Variants in RAET1G observed in about 807,000 individuals in gnomAD.
RAET1G encodes the protein retinoic acid early transcript 1G.
RAET1G carries 25 observed loss-of-function variants against 29.5 expected under a neutral mutation model. The ratio of observed to expected loss-of-function variants is 0.85; its 90% CI spans 0.62 to 1.18. The LOEUF (loss-of-function observed/expected upper bound fraction) is 1.18, where lower values mean the gene tolerates loss of function less well. Ranked by LOEUF, RAET1G falls within the 50% of genes most tolerant of loss-of-function variation. The pLI is 0.00. For missense variants in RAET1G, 434 were observed against 423.6 expected, an observed-to-expected ratio of 1.02 and a Z score of -0.22; for synonymous variants, 167 against 159.5, an observed-to-expected ratio of 1.05 and a Z score of -0.36.
rs771676650 is a variant in RAET1G at position 149,919,152 on chromosome 6, A to C, written c.522T>G (p.Asn174Lys). 1 of 1,614,216 alleles carries C rather than the reference A, an allele frequency of 6.2e-7. No homozygotes were observed. The highest frequency in any genetic ancestry group is 1.1e-5 in the South Asian group (1 of 91,086). ...GGAAGGACATGGTCATATCCTTGTC[A>C]TTCTCCCACTTTTCTTTCATCTTTC... ...GARKMKEKWE[N>K]DKDMTMSFHY... The change falls in exon 3 of 5, where the codon AAT becomes AAG. Residue 174 changes from asparagine (N) to lysine (K), a missense_variant. Transcript: ENST00000367360.
chr6:149,921,662 C>G (rs1778603293), intron 1 of RAET1G, among the ~76,000 whole-genome samples: 2 of 152,072 alleles, frequency 1.3e-5, no homozygotes, highest in African/African-American at 4.8e-5. Context: ...TCACTGATGG[C>G]CCCCGTGGAC....
intron 1 of RAET1G, 85 bp downstream of exon 1, chr6:149,922,841 A>G (rs2114660785): frequency 6.2e-6 from 6 of 960,112 alleles, no homozygotes; most frequent in Non-Finnish European, 1.5e-6. Context: ...GGGTCCTTCC[A>G]GAAGCCTCCC....
At chr6:149,917,383 C>G (rs1451928220) in intron 4 of RAET1G, among the ~76,000 whole-genome samples, 5 of 152,218 alleles carry the variant, frequency 3.3e-5, no homozygotes, top group African/African-American at 1.2e-4. Context: ...TAACAAGTGC[C>G]TTCCCAGGCA....
chr6:149,918,515 TG>T, intron 3 of RAET1G, 131 bp from the exon 4 acceptor site: 2 of 1,071,990 alleles, frequency 1.9e-6, no homozygotes, highest in African/African-American at 3.1e-5. Context: ...GGGCAGCCCC[TG>T]GGAGAGTTCC....
rs1582799785 is a variant in RAET1G, at chr6:149,919,472, G to C, written c.349+81C>G. On this transcript the variant is annotated intron_variant, in intron 2 of 4. Transcript: ENST00000367360. ...GCGGGGTGAGATGACCTTCCTATTT[G>C]TATTTTTACATGAAAACTATAAATG... The C allele has an allele frequency of 1.3e-5, 21 of 1,613,076 alleles. No individual in the cohort carries two copies. The East Asian group carries it at 4.5e-4, about 34-fold the overall frequency.
rs765005982 is a variant in RAET1G at position 149,918,181 on chromosome 6, T to C, written c.835A>G (p.Ser279Gly). ...CCAATTCTGCCCCCATACCTGTCAC[T>C]CCAAAGGACTCTCCTCAGCAGCCAG... The part of the protein sequence containing the change: ...PTWLLRRVLW[S>G]DSYQIAKRPL... Residue 279 changes from serine (S) to glycine (G), a missense_variant, in exon 4 of 5, where the codon AGT becomes GGT. Ser to Gly is a moderately conservative substitution (Grantham distance 56). Transcript: ENST00000367360. The C allele has an allele frequency of 6.2e-7, 1 of 1,613,916 alleles. No homozygotes were observed. Among genetic ancestry groups the C allele is most frequent in the Non-Finnish European group, 8.5e-7 (1 of 1,179,926 alleles).
In RAET1G at chr6:149,916,948, G is replaced by A. The variant is rs1478340760; in HGVS notation, c.969C>T (p.Ala323=). 6.5e-7 allele frequency: 1 copy of A among 1,545,858 alleles called. No homozygotes were observed. The highest frequency in any genetic ancestry group is 8.7e-7 in the Non-Finnish European group (1 of 1,144,078). Reference sequence around the variant, plus strand: ...AGACCTGTAGTGGCTCCGAATACCTGGCTGCGCCGTTATTTATTGTATACA... The same window carrying A: ...AGACCTGTAGTGGCTCCGAATACCTAGCTGCGCCGTTATTTATTGTATACA... ...LALYTINNGA[A]RYSEPLQVSI... is the part of the protein sequence containing the mutation. The change falls in exon 5 of 5, where the codon GCC becomes GCT. Residue 323 remains alanine (A), a synonymous_variant. Transcript: ENST00000367360.
intron 1 of RAET1G, 30 bp from the exon 2 acceptor site, chr6:149,919,846 G>A (rs181411118): frequency 6.2e-7 from 1 of 1,612,042 alleles, no homozygotes; most frequent in East Asian, 2.2e-5. Context: ...AGGGGTGGGT[G>A]GGGAGGAAAA....
chr6:149,918,649 G>A, intron 3 of RAET1G: 1 of 607,856 alleles, frequency 1.6e-6, no homozygotes, highest in South Asian at 2.0e-5. Flanking sequence ...ATGCTCCAGG[G>A]TGCGGGAGGG....
chr6:149,922,021 T>C (rs1778609426), intron 1 of RAET1G, among the ~76,000 whole-genome samples: 1 of 152,178 alleles, frequency 6.6e-6, no homozygotes. Context: ...CCTTCCTCCC[T>C]TTCTAGAAAG....
intron 1 of RAET1G, among the ~76,000 whole-genome samples, chr6:149,920,511 G>A (rs1402021132): frequency 6.6e-6 from 1 of 152,150 alleles, no homozygotes; most frequent in African/African-American, 2.4e-5. Context: ...AAGCCTGGAG[G>A]ACTCCTGTTT....
rs181000947 is a variant in RAET1G, at chr6:149,919,332, C to G, written c.350-8G>C. 3.7e-6 allele frequency: 6 copies of G among 1,611,006 alleles called. No individual in the cohort carries two copies. The African/African-American group carries it at 8.0e-5, about 22-fold the overall frequency. On this transcript the variant is annotated splice_polypyrimidine_tract_variant and splice_region_variant and intron_variant, in intron 2 of 4. Coordinates refer to ENST00000367360, the MANE Select transcript of RAET1G (RefSeq NM_001001788.4). ...CCTGCAGGGTGAGGGGTTCTGCCCC[C>G]ATCAAAGAGAGATCAGCTCTGGCCT...
At chr6:149,922,024 C>G (rs902636953) in intron 1 of RAET1G, among the ~76,000 whole-genome samples, 1 of 152,172 alleles carries the variant, frequency 6.6e-6, no homozygotes, top group African/African-American at 2.4e-5. Flanking sequence ...TCCTCCCTTT[C>G]TAGAAAGGGT....
At position 149,922,915 on chromosome 6, in the gene RAET1G, C is replaced by G. The variant is rs560232245; in HGVS notation, c.85+11G>C. ...GCCTCCGCCCCGCTTAGGCTCCATC[C>G]CCGAACTCACCGGCCAGCCCGGTCC... On this transcript the variant is annotated intron_variant, in intron 1 of 4. Transcript: ENST00000367360. The G allele has an allele frequency of 3.0e-5, 47 of 1,580,272 alleles. No individual in the cohort carries two copies. The highest frequency in any genetic ancestry group is 4.0e-5 in the Non-Finnish European group (46 of 1,162,918).
At position 149,919,544 on chromosome 6, in the gene RAET1G, G is replaced by C; in HGVS notation, c.349+9C>G. 1 of 1,614,004 alleles carries C rather than the reference G, an allele frequency of 6.2e-7. No individual in the cohort carries two copies. The highest frequency in any genetic ancestry group is 8.5e-7 in the Non-Finnish European group (1 of 1,179,870). ...TGCTCCCTGCTGTCCTGGGCCATCT[G>C]AAACTTACCCTTGGGTATGTAATTC... On this transcript the variant is annotated intron_variant, in intron 2 of 4. Coordinates refer to ENST00000367360, the MANE Select transcript of RAET1G (RefSeq NM_001001788.4).
chr6:149,919,220 C>G lies in RAET1G; in HGVS notation c.454G>C (p.Asp152His). The G allele has an allele frequency of 3.1e-6, 5 of 1,614,194 alleles. No homozygotes were observed. The highest frequency in any genetic ancestry group is 4.2e-6 in the Non-Finnish European group (5 of 1,180,028). The change falls in exon 3 of 5, where the codon GAC (aspartate) becomes CAC (histidine). Residue 152 changes from aspartate to histidine, a missense_variant. Coordinates refer to ENST00000367360, the MANE Select transcript of RAET1G (RefSeq NM_001001788.4). Reference sequence around the variant, plus strand: ...GTTGTCCACATTCTGTTTTCTGAGTCAAAGAGGAGGAAGATCTGTCCATCG... The same window carrying G: ...GTTGTCCACATTCTGTTTTCTGAGTGAAAGAGGAGGAAGATCTGTCCATCG... ...SFDGQIFLLF[D>H]SENRMWTTVH...
chr6:149,922,813 AG>A (rs1778624509), intron 1 of RAET1G, 112 bp downstream of exon 1: 1 of 683,222 alleles, frequency 1.5e-6, no homozygotes, highest in South Asian at 2.0e-5. Context: ...GCGGGGGCGC[AG>A]TCCGGGGTGA....
In RAET1G at chr6:149,918,282, T is replaced by A. The variant is rs1315708622; in HGVS notation, c.734A>T (p.His245Leu). Residue 245 changes from histidine (H) to leucine (L), a missense_variant, in exon 4 of 5, where the codon CAC becomes CTC. Transcript: ENST00000367360. ...GTGGCCATGGCTTTGGGTCAGACTG[T>A]GCCTGGAGCATATGAGGAGACACAT... ...LIMCLLICSR[H>L]SLTQSHGHHP... 3.7e-6 allele frequency: 6 copies of A among 1,614,066 alleles called. No individual in the cohort carries two copies. The highest frequency in any genetic ancestry group is 5.1e-6 in the Non-Finnish European group (6 of 1,180,004).
intron 1 of RAET1G, among the ~76,000 whole-genome samples, chr6:149,921,837 G>A (rs1778606337): frequency 6.6e-6 from 1 of 152,100 alleles, no homozygotes; most frequent in African/African-American, 2.4e-5. Flanking sequence ...CATAGGGGAT[G>A]GGGTACTATT....
Sources: allele counts gnomAD v4.1 joint callset (sites outside exome capture counted in the v4.1 genomes callset), GRCh38; gene constraint gnomAD v4.1.1; transcripts MANE v1.5; gene names NCBI Gene and HGNC (gene_info 2026-07-23, HGNC 2026-07-21).